Variants in RIC8B observed in about 807,000 individuals in gnomAD.
The protein encoded by RIC8B is RIC8 guanine nucleotide exchange factor B, also known as chaperone Ric-8B.
Under a neutral mutation model 57.5 loss-of-function variants are expected in RIC8B, and 16 were observed. The ratio of observed to expected loss-of-function variants is 0.28; its 90% confidence interval spans 0.19 to 0.42. RIC8B has a LOEUF of 0.42. Among genes scored for constraint, RIC8B ranks in the 10% least tolerant of loss-of-function variants. The probability of loss-of-function intolerance (pLI) is 1.00; values close to 1 mark genes in which losing one functional copy is unlikely to be tolerated. For missense variants in RIC8B, 481 were observed against 677.0 expected, an observed-to-expected ratio of 0.71 and a Z score of 3.21; for synonymous variants, 216 against 250.8, an observed-to-expected ratio of 0.86 and a Z score of 1.31.
intron 9 of RIC8B, among the ~76,000 whole-genome samples, chr12:106,873,744 G>A (rs1950546663): frequency 6.6e-6 from 1 of 152,164 alleles, no homozygotes; most frequent in African/African-American, 2.4e-5. Flanking sequence ...GACAAAATGA[G>A]TTCTATGTTG....
intron 1 of RIC8B, 85 bp from the exon 2 acceptor site, chr12:106,783,912 C>T (rs1435640158): frequency 8.3e-7 from 1 of 1,210,626 alleles, no homozygotes; most frequent in Non-Finnish European, 1.2e-6. Context: ...TTTACAGGGA[C>T]ATTATTTTAG....
chr12:106,836,100 T>C (rs1022022552), intron 4 of RIC8B, among the ~76,000 whole-genome samples: 1 of 152,250 alleles, frequency 6.6e-6, no homozygotes, highest in Non-Finnish European at 1.5e-5. Flanking sequence ...TTCAGTCATC[T>C]TACTTGATCT....
At chr12:106,830,353 A>G (rs1289144382) in intron 4 of RIC8B, among the ~76,000 whole-genome samples, 1 of 152,258 alleles carries the variant, frequency 6.6e-6, no homozygotes, top group Non-Finnish European at 1.5e-5. Flanking sequence ...TTTGTTTATT[A>G]ATTAAGCACT....
chr12:106,881,540 T>C (rs1950934671), intron 9 of RIC8B, among the ~76,000 whole-genome samples: 1 of 152,046 alleles, frequency 6.6e-6, no homozygotes, highest in South Asian at 2.1e-4. Flanking sequence ...TCAGCATCCC[T>C]GTCTCCTCCT....
intron 9 of RIC8B, among the ~76,000 whole-genome samples, chr12:106,885,429 A>G (rs1203211565): frequency 6.6e-6 from 1 of 152,214 alleles, no homozygotes; most frequent in Non-Finnish European, 1.5e-5. Flanking sequence ...ACATATCACT[A>G]GAGACTGAGG....
intron 4 of RIC8B, among the ~76,000 whole-genome samples, chr12:106,828,032 T>C (rs894356011): frequency 2.0e-5 from 3 of 152,236 alleles, no homozygotes; most frequent in Non-Finnish European, 4.4e-5. Flanking sequence ...ATAGAGGTTT[T>C]TAAAATAAAA....
At chr12:106,865,395 C>T (rs1950099176) in intron 8 of RIC8B, among the ~76,000 whole-genome samples, 1 of 152,120 alleles carries the variant, frequency 6.6e-6, no homozygotes, top group Non-Finnish European at 1.5e-5. Flanking sequence ...AATAAGTTTG[C>T]CCTTCAGATA....
Position 106,879,247 on chromosome 12 carries a change from CACAAAA to C in RIC8B, c.1572-6653_1572-6648del. The C allele has an allele frequency of 1.0e-6, 1 of 985,638 alleles. No individual in the cohort carries two copies. Among genetic ancestry groups the C allele is most frequent in the Non-Finnish European group, 1.2e-6 (1 of 829,890 alleles). The allele number at this position is 985,638 out of a possible 1,614,324, so 61.1% of individuals were successfully genotyped here. A position where few individuals can be genotyped will look rare whatever the true frequency, so the allele number is the denominator to read the frequency against. ...TGAATTGAATGTTTTGTTTGTATTG[CACAAAA>C]ACATGTGCTGTGGGCAAGAGTATTC... On this transcript the variant is annotated intron_variant, in intron 9 of 9. Transcript: ENST00000392837. The surrounding 1 kb of genome is among the most constrained non-coding windows in gnomAD (Gnocchi z 4.9).
chr12:106,777,310 T>C (rs2043539204), intron 1 of RIC8B, among the ~76,000 whole-genome samples: 1 of 152,128 alleles, frequency 6.6e-6, no homozygotes, highest in Non-Finnish European at 1.5e-5. Context: ...AGGAAGTGAA[T>C]GTATGATCAT....
intron 4 of RIC8B, among the ~76,000 whole-genome samples, chr12:106,840,243 T>C (rs1375654942): frequency 6.6e-6 from 1 of 152,166 alleles, no homozygotes; most frequent in Non-Finnish European, 1.5e-5. Flanking sequence ...GACTAGATTT[T>C]AGATTGCCTT....
intron 9 of RIC8B, among the ~76,000 whole-genome samples, chr12:106,881,339 G>GT (rs529698515): frequency 0.025 from 3,552 of 141,660 alleles, 78 homozygotes; most frequent in Middle Eastern, 0.063. Context: ...CTTTTGAGTT[G>GT]TTTTTTTTTT....
intron 1 of RIC8B, among the ~76,000 whole-genome samples, chr12:106,777,534 C>T (rs557075891): frequency 1.3e-5 from 2 of 152,092 alleles, no homozygotes; most frequent in East Asian, 1.9e-4. Context: ...AGAGAGAGAC[C>T]GGTTCGTTAT....
At chr12:106,818,212 G>T (rs548132373) in intron 3 of RIC8B, among the ~76,000 whole-genome samples, 3 of 152,050 alleles carry the variant, frequency 2.0e-5, no homozygotes, top group East Asian at 1.9e-4. Context: ...TGTCGCCCAG[G>T]CTGGAATGCA....
chr12:106,852,354 A>G (rs1048514712), intron 7 of RIC8B, among the ~76,000 whole-genome samples: 4 of 152,166 alleles, frequency 2.6e-5, no homozygotes, highest in African/African-American at 9.7e-5. Flanking sequence ...TCTATGTTCT[A>G]CTTTTTTAAA....
chr12:106,823,352 T>A (rs546536816), intron 3 of RIC8B: 73 of 436,070 alleles, frequency 1.7e-4, no homozygotes, highest in South Asian at 1.2e-3. Flanking sequence ...TTGTTTTGAG[T>A]AGAGAAATAG....
chr12:106,804,522 T>C (rs2044914737), intron 2 of RIC8B, among the ~76,000 whole-genome samples: 1 of 152,214 alleles, frequency 6.6e-6, no homozygotes, highest in Non-Finnish European at 1.5e-5. Flanking sequence ...GTAGGTACTA[T>C]TATACCAGTT....
chr12:106,859,529 G>A (rs1237822104), intron 7 of RIC8B, among the ~76,000 whole-genome samples: 1 of 151,848 alleles, frequency 6.6e-6, no homozygotes, highest in Non-Finnish European at 1.5e-5. Flanking sequence ...TTTACTTCTT[G>A]GTAGATACTT....
chr12:106,840,834 C>G (rs1299642665), intron 4 of RIC8B, among the ~76,000 whole-genome samples: 9 of 152,112 alleles, frequency 5.9e-5, no homozygotes, highest in African/African-American at 2.4e-5. Flanking sequence ...AATCTGGTCT[C>G]TGGTAGGTTC....
At chr12:106,830,757 C>T (rs1000270456) in intron 4 of RIC8B, among the ~76,000 whole-genome samples, 43 of 152,144 alleles carry the variant, frequency 2.8e-4, no homozygotes, top group Non-Finnish European at 5.6e-4. Flanking sequence ...ACCCTCCCTC[C>T]CCCTCATGCA....
Sources: gnomAD v4.1 joint callset for allele counts (sites outside exome capture counted in the v4.1 genomes callset) on GRCh38, gnomAD v4.1.1 for gene constraint, Gnocchi (gnomAD v3.1) non-coding constraint, MANE v1.5 for transcripts, NCBI Gene and HGNC (gene_info 2026-07-23, HGNC 2026-07-21) for gene names.